EPHX1: variants seen among roughly 807,000 people sequenced by gnomAD.
EPHX1 encodes the protein epoxide hydrolase 1.
Under a neutral mutation model 43.2 loss-of-function variants are expected in EPHX1, and 40 were observed. The ratio of observed to expected loss-of-function variants is 0.93; its 90% CI spans 0.72 to 1.21. EPHX1 has a LOEUF of 1.21. Among genes scored for constraint, EPHX1 ranks in the 50% most tolerant of loss-of-function variants. The pLI, the probability that EPHX1 is intolerant of heterozygous loss-of-function variation, is 0.00. For synonymous variants in EPHX1, 221 were observed against 226.7 expected, an observed-to-expected ratio of 0.98 and a Z score of 0.22; for missense variants, 550 against 570.4, an observed-to-expected ratio of 0.96 and a Z score of 0.36.
intron 3 of EPHX1, 143 bp from the exon 4 acceptor site, chr1:225,838,511 C>T: frequency 1.4e-6 from 1 of 695,314 alleles, no homozygotes; most frequent in Non-Finnish European, 2.5e-6. Flanking sequence ...CCAGTGTCAG[C>T]CCTTATTACT....
rs1668735807 is a variant in EPHX1 at position 225,844,423 on chromosome 1, A to G, written c.1041-75A>G. ...CGCATGGGCAGGGCCTGGCATTTGT[A>G]GGACTTTCTGGCTGCCCTTTGTCAC... On this transcript the variant is annotated intron_variant, in intron 7 of 8. Transcript: ENST00000272167. 3.7e-6 allele frequency: 6 copies of G among 1,611,860 alleles called. No homozygotes were observed. The South Asian group carries it at 4.4e-5, about 12-fold the overall frequency.
At chr1:225,838,539 G>A in intron 3 of EPHX1, 115 bp from the exon 4 acceptor site, 1 of 832,100 alleles carries the variant, frequency 1.2e-6, no homozygotes, top group Non-Finnish European at 2.0e-6. Context: ...CCATGAAGGG[G>A]CGGCGGGGGC....
chr1:225,844,271 G>C (rs1211242601), intron 7 of EPHX1, among the ~76,000 whole-genome samples: 2 of 152,030 alleles, frequency 1.3e-5, no homozygotes, highest in Non-Finnish European at 2.9e-5. Context: ...AGGTGGGTGG[G>C]GGGAGGACCT....
chr1:225,831,774 T>C lies in EPHX1; in HGVS notation c.184-5T>C. On this transcript the variant is annotated splice_region_variant and splice_polypyrimidine_tract_variant and intron_variant, in intron 2 of 8. Transcript: ENST00000272167. ...CTCAACTTGGGGTCCTGAATTTTGC[T>C]CCAGGACTTACACCAGAGGATCGAT... 6.2e-7 allele frequency: 1 copy of C among 1,613,704 alleles called. No homozygotes were observed.
At chr1:225,831,636 A>G in intron 2 of EPHX1, 143 bp from the exon 3 acceptor site, 1 of 743,412 alleles carries the variant, frequency 1.3e-6, no homozygotes, top group Non-Finnish European at 2.4e-6. Flanking sequence ...GGGAGTAGCC[A>G]GTGATGTGGG....
At chr1:225,836,116 C>CT (rs1200528077) in intron 3 of EPHX1, among the ~76,000 whole-genome samples, 3 of 152,140 alleles carry the variant, frequency 2.0e-5, no homozygotes, top group South Asian at 4.1e-4. Context: ...GTTATGTTCT[C>CT]TAAGTCTTTT....
chr1:225,837,706 G>A (rs1668042026), intron 3 of EPHX1, among the ~76,000 whole-genome samples: 1 of 152,148 alleles, frequency 6.6e-6, no homozygotes, highest in African/African-American at 2.4e-5. Context: ...TTTTAGTAGA[G>A]ACGGGGTTTC....
chr1:225,842,309 C>T (rs1668493295), intron 6 of EPHX1, 57 bp from the exon 7 acceptor site: 6 of 1,304,066 alleles, frequency 4.6e-6, no homozygotes, highest in Non-Finnish European at 6.7e-6. Flanking sequence ...ACACCTGAAG[C>T]TCCAGCTCTC....
rs772350745 is a variant in EPHX1 at position 225,839,835 on chromosome 1, G to A, written c.729G>A (p.Val243=). ...TNMAQLVPSH[V]KGLHLNMALV... ...CCCCTCTCTCTGCCTTCAGCCACGT[G>A]AAAGGCCTGCACTTGAACATGGCTT... is the stretch of plus-strand genomic sequence containing the variant. The change falls in exon 6 of 9, where the codon GTG becomes GTA. Residue 243 remains valine (V), a synonymous_variant. Transcript: ENST00000272167. The A allele has an allele frequency of 3.1e-6, 5 of 1,613,720 alleles. No homozygotes were observed. Among genetic ancestry groups the A allele is most frequent in the African/African-American group, 1.3e-5 (1 of 74,904 alleles).
intron 1 of EPHX1, among the ~76,000 whole-genome samples, chr1:225,813,888 G>A (rs1462627406): frequency 6.6e-6 from 1 of 152,200 alleles, no homozygotes; most frequent in Non-Finnish European, 1.5e-5. Flanking sequence ...AGGGGAAAGT[G>A]TTCTTTTCTC....
intron 3 of EPHX1, among the ~76,000 whole-genome samples, chr1:225,836,609 G>GA (rs930131452): frequency 5.3e-5 from 8 of 150,376 alleles, no homozygotes; most frequent in African/African-American, 7.3e-5. Context: ...AAAAGAAGAA[G>GA]AAAAAAAAAG....
intron 1 of EPHX1, among the ~76,000 whole-genome samples, chr1:225,816,803 G>A (rs1261918389): frequency 1.3e-5 from 2 of 152,220 alleles, no homozygotes; most frequent in Non-Finnish European, 2.9e-5. Flanking sequence ...GGCAGTGAGG[G>A]CCTAACTGCC....
intron 5 of EPHX1, 100 bp from the exon 6 acceptor site, chr1:225,839,729 C>G: frequency 7.7e-7 from 1 of 1,293,726 alleles, no homozygotes; most frequent in Non-Finnish European, 1.1e-6. Flanking sequence ...TGGCTCTGTG[C>G]TCGCTCCTCA....
At position 225,845,319 on chromosome 1, in the gene EPHX1, A is replaced by T; in HGVS notation, c.1340A>T (p.Lys447Met). The T allele has an allele frequency of 6.2e-7, 1 of 1,611,920 alleles. No homozygotes were observed. Among genetic ancestry groups the T allele is most frequent in the Non-Finnish European group, 8.5e-7 (1 of 1,179,982 alleles). The change falls in exon 9 of 9, where the codon AAG (lysine) becomes ATG (methionine). Residue 447 changes from lysine to methionine, a missense_variant. Physicochemically the swap from Lys to Met is moderately conservative, Grantham distance 95 (BLOSUM62 -1). Coordinates refer to ENST00000272167, the MANE Select transcript of EPHX1 (RefSeq NM_001136018.4). ...GAGCTGCTCGCCCAGGACATCCGCAAGTTCCTGTCGGTGCTGGAGCGGCAA... is the reference window on the plus strand; with the variant it reads ...GAGCTGCTCGCCCAGGACATCCGCATGTTCCTGTCGGTGCTGGAGCGGCAA... ...EPELLAQDIRKFLSVLERQ is the reference protein window; with the variant it reads ...EPELLAQDIRMFLSVLERQ
intron 3 of EPHX1, 94 bp from the exon 4 acceptor site, chr1:225,838,560 G>A: frequency 1.8e-6 from 2 of 1,097,176 alleles, no homozygotes; most frequent in Non-Finnish European, 2.7e-6. Flanking sequence ...ACTAAGGGTG[G>A]CAGGACTCAA....
rs908020121 is a variant in EPHX1, at chr1:225,839,441, AC to A, written c.722+101del. 17 of 1,566,882 alleles carry A rather than the reference AC, an allele frequency of 1.1e-5. No individual in the cohort carries two copies. In the South Asian group the frequency reaches 1.6e-4, roughly 15 times the overall value. ...GACCTGTGTGCAGGGTGGGCCAAGG[AC>A]CCCCCAGGGGAGAGGAGGGAGTGTG... On this transcript the variant is annotated intron_variant, in intron 5 of 8. Coordinates refer to ENST00000272167, the MANE Select transcript of EPHX1 (RefSeq NM_001136018.4).
At chr1:225,822,711 C>T (rs995288238) in intron 1 of EPHX1, among the ~76,000 whole-genome samples, 7 of 152,106 alleles carry the variant, frequency 4.6e-5, no homozygotes, top group African/African-American at 9.7e-5. Flanking sequence ...GCACCTTCTC[C>T]GAACAGATGG....
chr1:225,845,307 A>G lies in EPHX1; in HGVS notation c.1328A>G (p.Gln443Arg). Reference sequence around the variant, plus strand: ...TTTGAGGAGCCGGAGCTGCTCGCCCAGGACATCCGCAAGTTCCTGTCGGTG... The same window carrying G: ...TTTGAGGAGCCGGAGCTGCTCGCCCGGGACATCCGCAAGTTCCTGTCGGTG... ...AAFEEPELLA[Q>R]DIRKFLSVLE... Residue 443 changes from glutamine to arginine, a missense_variant, in exon 9 of 9, where the codon CAG (glutamine) becomes CGG (arginine). Physicochemically the swap from Gln to Arg is conservative, Grantham distance 43 (BLOSUM62 1). Transcript: ENST00000272167. The G allele has an allele frequency of 6.2e-7, 1 of 1,612,316 alleles. No homozygotes were observed. The highest frequency in any genetic ancestry group is 2.1e-4 in the Middle Eastern group (1 of 4,738).
intron 7 of EPHX1, 35 bp from the exon 8 acceptor site, chr1:225,844,463 C>T (rs529278472): frequency 6.8e-7 from 1 of 1,480,402 alleles, no homozygotes; most frequent in Non-Finnish European, 9.3e-7. Flanking sequence ...CTGCATGTGG[C>T]ACTGAGAGTG....
Sources: allele counts gnomAD v4.1 joint callset (sites outside exome capture counted in the v4.1 genomes callset), GRCh38; gene constraint gnomAD v4.1.1; transcripts MANE v1.5; gene names NCBI Gene and HGNC (gene_info 2026-07-23, HGNC 2026-07-21).